The following JAK2 variants were observed in gnomAD, a reference collection of about 807,000 sequenced individuals.
JAK2 encodes the protein Janus kinase 2.
A neutral mutation model predicts 139.3 loss-of-function variants in JAK2; 86 were observed. The ratio of observed to expected loss-of-function variants is 0.62; its 90% CI spans 0.52 to 0.74. The LOEUF is 0.74. JAK2 is among the 30% of genes least tolerant of loss of function. The probability of loss-of-function intolerance (pLI) is 0.00; values close to 1 mark genes in which losing one functional copy is unlikely to be tolerated. For missense variants in JAK2, 1,421 were observed against 1,360.3 expected, an observed-to-expected ratio of 1.04 and a Z score of -0.70; for synonymous variants, 490 against 437.7, an observed-to-expected ratio of 1.12 and a Z score of -1.49.
intron 9 of JAK2, among the ~76,000 whole-genome samples, 185 bp from the exon 10 acceptor site, chr9:5,066,493 T>C (rs1187353497): frequency 6.6e-6 from 1 of 152,122 alleles, no homozygotes; most frequent in Non-Finnish European, 1.5e-5. Context: ...TTGAAGTGGT[T>C]TGAACTTACT....
Position 5,055,748 on chromosome 9 carries a change from G to A in JAK2, c.1016G>A (p.Ser339Asn). Residue 339 changes from serine (S) to asparagine (N), a missense_variant, in exon 8 of 25, where the codon AGC becomes AAC. By Grantham distance (46) the Ser-to-Asn change is conservative. Coordinates refer to ENST00000381652, the MANE Select transcript of JAK2 (RefSeq NM_004972.4). ...GCAAACCAAGAGGGTTCAAATGAAAGCCGAGTTGTAACTATCCATAAGCAA... is the reference window on the plus strand; with the variant it reads ...GCAAACCAAGAGGGTTCAAATGAAAACCGAGTTGTAACTATCCATAAGCAA... ...KQANQEGSNESRVVTIHKQDG... is the reference protein window; with the variant it reads ...KQANQEGSNENRVVTIHKQDG... The A allele has an allele frequency of 6.2e-7, 1 of 1,610,906 alleles. No individual in the cohort carries two copies. Among genetic ancestry groups the A allele is most frequent in the South Asian group, 1.1e-5 (1 of 90,880 alleles).
At chr9:5,007,885 G>T (rs879618361) in intron 2 of JAK2, among the ~76,000 whole-genome samples, 10 of 151,850 alleles carry the variant, frequency 6.6e-5, no homozygotes, top group Non-Finnish European at 1.0e-4. Context: ...GTGCCACCAC[G>T]CCTGGCTAAT....
chr9:5,069,771 T>A (rs112926440), intron 11 of JAK2, among the ~76,000 whole-genome samples, 154 bp from the exon 12 acceptor site: 2,292 of 152,232 alleles, frequency 0.015, 70 homozygotes, highest in African/African-American at 0.053. Context: ...TTCAATGAGT[T>A]GACCCCTAAA....
At chr9:5,007,674 A>G (rs1380902346) in intron 2 of JAK2, among the ~76,000 whole-genome samples, 1 of 151,732 alleles carries the variant, frequency 6.6e-6, no homozygotes, top group Non-Finnish European at 1.5e-5. Context: ...AAAAACCACA[A>G]TTACTTTTGC....
chr9:5,099,850 T>C (rs1380774686), intron 22 of JAK2: 1 of 152,180 alleles, frequency 6.6e-6, no homozygotes, highest in Non-Finnish European at 1.5e-5. Flanking sequence ...TATCCAATTA[T>C]CAATAAACCT....
chr9:5,097,763 A>C (rs1370763645), intron 22 of JAK2: 2 of 152,190 alleles, frequency 1.3e-5, no homozygotes, highest in Admixed American at 1.3e-4. Context: ...ATTATTTTAC[A>C]TGATACATAC....
intron 4 of JAK2, chr9:5,041,094 G>A: frequency 2.8e-6 from 2 of 720,716 alleles, no homozygotes; most frequent in African/African-American, 1.7e-5. Flanking sequence ...ACAGCCTGGA[G>A]GACCTGTTCG....
chr9:5,098,269 CGATAA>C (rs1159241714), intron 22 of JAK2: 8 of 152,082 alleles, frequency 5.3e-5, no homozygotes, highest in African/African-American at 1.9e-4. Flanking sequence ...GTGACTTTCT[CGATAA>C]GATATTAGCA....
At chr9:5,092,285 G>GCA (rs1195697998) in intron 22 of JAK2, among the ~76,000 whole-genome samples, 1 of 152,036 alleles carries the variant, frequency 6.6e-6, no homozygotes, top group Non-Finnish European at 1.5e-5. Flanking sequence ...CACGAAGCAC[G>GCA]CACACACTGC....
intron 4 of JAK2, among the ~76,000 whole-genome samples, chr9:5,031,935 TGA>T (rs1823182603): frequency 6.6e-6 from 1 of 152,128 alleles, no homozygotes; most frequent in Non-Finnish European, 1.5e-5. Context: ...TGCAGCACAC[TGA>T]GCATGAGCCG....
chr9:4,997,677 T>G (rs751169138), intron 2 of JAK2, among the ~76,000 whole-genome samples: 1 of 152,234 alleles, frequency 6.6e-6, no homozygotes, highest in Non-Finnish European at 1.5e-5. Context: ...AGCCTCATTT[T>G]ATAGGCAACA....
At chr9:5,002,420 T>C (rs1820978210) in intron 2 of JAK2, among the ~76,000 whole-genome samples, 1 of 152,020 alleles carries the variant, frequency 6.6e-6, no homozygotes, top group African/African-American at 2.4e-5. Context: ...ATGTTAATTT[T>C]GCAATACTGG....
intron 2 of JAK2, among the ~76,000 whole-genome samples, chr9:5,018,341 C>G (rs1385343286): frequency 6.6e-6 from 1 of 151,814 alleles, no homozygotes; most frequent in Non-Finnish European, 1.5e-5. Context: ...TTGTTTGTTT[C>G]TTTTTTGAGA....
intron 2 of JAK2, among the ~76,000 whole-genome samples, chr9:4,998,910 C>T (rs1256097902): frequency 1.3e-5 from 2 of 152,036 alleles, no homozygotes; most frequent in African/African-American, 4.8e-5. Flanking sequence ...CAAGCTCCGC[C>T]TCCCGGGTTC....
chr9:5,091,292 T>G (rs1820552481), intron 22 of JAK2: 1 of 157,820 alleles, frequency 6.3e-6, no homozygotes, highest in African/African-American at 2.4e-5. Context: ...ATGGTTATTT[T>G]TGGTTATACT....
At chr9:4,988,567 T>TA (rs1820090111) in intron 2 of JAK2, among the ~76,000 whole-genome samples, 1 of 152,242 alleles carries the variant, frequency 6.6e-6, no homozygotes, top group African/African-American at 2.4e-5. Flanking sequence ...ACCTCTGCCT[T>TA]AGCTTTTAGT....
At chr9:5,081,191 A>C (rs1586754308) in intron 18 of JAK2, among the ~76,000 whole-genome samples, 1 of 151,868 alleles carries the variant, frequency 6.6e-6, no homozygotes, top group Non-Finnish European at 1.5e-5. Context: ...CACCGCTCCC[A>C]GCCAAAAAGA....
chr9:5,118,804 T>C (rs573579293), intron 22 of JAK2, among the ~76,000 whole-genome samples: 1 of 152,284 alleles, frequency 6.6e-6, no homozygotes, highest in East Asian at 1.9e-4. Flanking sequence ...TATCTGTTAT[T>C]GGGCAGTTTC....
At chr9:5,096,239 C>G (rs2130716096) in intron 22 of JAK2, among the ~76,000 whole-genome samples, 1 of 152,320 alleles carries the variant, frequency 6.6e-6, no homozygotes, top group East Asian at 1.9e-4. Context: ...TTACCCATCT[C>G]TCCACTGATT....
Sources: allele counts gnomAD v4.1 joint callset (sites outside exome capture counted in the v4.1 genomes callset), GRCh38; gene constraint gnomAD v4.1.1; transcripts MANE v1.5; gene names NCBI Gene and HGNC (gene_info 2026-07-23, HGNC 2026-07-21).